SENP7: variants seen among roughly 807,000 people sequenced by gnomAD.
SENP7 encodes the protein sentrin-specific protease 7.
Under a neutral mutation model 141.2 loss-of-function variants are expected in SENP7, and 64 were observed. The ratio of observed to expected loss-of-function variants is 0.45; its 90% CI spans 0.37 to 0.56. SENP7 has a LOEUF of 0.56. Among genes scored for constraint, SENP7 ranks in the 20% least tolerant of loss-of-function variants. The pLI is 0.00. For missense variants in SENP7, 1,025 were observed against 1,212.2 expected, an observed-to-expected ratio of 0.85 and a Z score of 2.29; for synonymous variants, 382 against 426.4, an observed-to-expected ratio of 0.90 and a Z score of 1.28.
chr3:101,341,606 A>C, intron 15 of SENP7, 40 bp downstream of exon 15: 2 of 1,422,842 alleles, frequency 1.4e-6, no homozygotes, highest in Non-Finnish European at 1.9e-6. Flanking sequence ...AAAACTACTA[A>C]TATGCCCATC....
In SENP7 at chr3:101,340,220, T is replaced by C; in HGVS notation, c.2241-9A>G. On this transcript the variant is annotated splice_polypyrimidine_tract_variant and intron_variant, in intron 15 of 23. Transcript: ENST00000394095. ...GAGGATATACAATCAACCTTAAAAG[T>C]AAAAATAAAGTTAACATATACTGAT... is the stretch of plus-strand genomic sequence containing the variant. 20 of 1,578,170 alleles carry C rather than the reference T, an allele frequency of 1.3e-5. No individual in the cohort carries two copies. The highest frequency in any genetic ancestry group is 1.7e-5 in the Non-Finnish European group (20 of 1,166,826).
intron 6 of SENP7, among the ~76,000 whole-genome samples, chr3:101,384,865 C>CA (rs948005102): frequency 1.3e-5 from 2 of 152,202 alleles, no homozygotes; most frequent in African/African-American, 4.8e-5. Context: ...TCCCCAGAAG[C>CA]AGATGCTGCT....
chr3:101,431,943 G>A (rs966650890), intron 4 of SENP7, among the ~76,000 whole-genome samples: 1 of 152,150 alleles, frequency 6.6e-6, no homozygotes, highest in Non-Finnish European at 1.5e-5. Flanking sequence ...TTGCACCTTT[G>A]GTACCAGCAT....
intron 6 of SENP7, among the ~76,000 whole-genome samples, chr3:101,379,421 G>A (rs10936594): frequency 0.4 from 60,411 of 151,884 alleles, 12,526 homozygotes; most frequent in Admixed American, 0.54. Flanking sequence ...AGAATGAGAC[G>A]AAATATTTGC....
At chr3:101,512,050 G>T (rs1383718035) in intron 1 of SENP7, among the ~76,000 whole-genome samples, 1 of 152,158 alleles carries the variant, frequency 6.6e-6, no homozygotes, top group Admixed American at 6.5e-5. Flanking sequence ...TCGATCTCCT[G>T]ACTTTGTGAT....
chr3:101,399,421 T>A (rs1391859321), intron 5 of SENP7, among the ~76,000 whole-genome samples: 2 of 152,234 alleles, frequency 1.3e-5, no homozygotes, highest in Admixed American at 6.5e-5. Context: ...CAAGAAATCT[T>A]TGTTCTTCTC....
rs1442719823 is a variant in SENP7 at position 101,513,082 on chromosome 3, C to T, written c.40+9G>A. 1 of 1,613,676 alleles carries T rather than the reference C, an allele frequency of 6.2e-7. No homozygotes were observed. The highest frequency in any genetic ancestry group is 8.5e-7 in the Non-Finnish European group (1 of 1,179,826). ...CAATATGTTCAGCCCTTCTCTGACC[C>T]TTTCTCACCGGATGAAGATGGCCGT... is the stretch of plus-strand genomic sequence containing the variant. On this transcript the variant is annotated intron_variant, in intron 1 of 23. Coordinates refer to ENST00000394095, the MANE Select transcript of SENP7 (RefSeq NM_020654.5).
intron 18 of SENP7, among the ~76,000 whole-genome samples, chr3:101,332,418 T>C (rs2059081508): frequency 6.6e-6 from 1 of 152,162 alleles, no homozygotes; most frequent in Non-Finnish European, 1.5e-5. Flanking sequence ...GTATTGGTGC[T>C]TGAAGAGTTT....
At chr3:101,435,171 A>C (rs1405394975) in intron 4 of SENP7, among the ~76,000 whole-genome samples, 1 of 152,178 alleles carries the variant, frequency 6.6e-6, no homozygotes, top group Non-Finnish European at 1.5e-5. Context: ...GATAAAAATC[A>C]TATGGTCATT....
At chr3:101,329,441 A>C (rs1244477403) in intron 20 of SENP7, among the ~76,000 whole-genome samples, 1 of 152,162 alleles carries the variant, frequency 6.6e-6, no homozygotes, top group Non-Finnish European at 1.5e-5. Flanking sequence ...AGTGACAGTA[A>C]AGACATAGGC....
chr3:101,358,066 T>G (rs2059791418), intron 11 of SENP7: 1 of 628,568 alleles, frequency 1.6e-6, no homozygotes, highest in African/African-American at 1.9e-5. Context: ...TTATTAAACA[T>G]GAGATAATTC....
chr3:101,372,311 C>A (rs2060204177), intron 6 of SENP7, among the ~76,000 whole-genome samples, 185 bp from the exon 7 acceptor site: 1 of 152,044 alleles, frequency 6.6e-6, no homozygotes, highest in African/African-American at 2.4e-5. Context: ...CCTTTTCTAC[C>A]TTTAAATTCC....
Position 101,325,220 on chromosome 3 carries a change from G to A in SENP7, c.*723C>T, listed in dbSNP as rs544870459. ...AATTTTTAAAAAACTATTTTGCACA[G>A]GTAAAATTTTTTGTTTCAAATTTTA... On this transcript the variant is annotated 3_prime_UTR_variant, in exon 24 of 24. Transcript: ENST00000394095. 1 of 151,176 alleles carries A rather than the reference G, an allele frequency of 6.6e-6. No homozygotes were observed. Among genetic ancestry groups the A allele is most frequent in the African/African-American group, 2.4e-5 (1 of 41,158 alleles). The allele number at this position is 151,176 out of a possible 1,614,324, so 9.4% of individuals were successfully genotyped here. A position where few individuals can be genotyped will look rare whatever the true frequency, so the allele number is the denominator to read the frequency against.
chr3:101,442,594 A>G (rs1456885731), intron 4 of SENP7, among the ~76,000 whole-genome samples: 2 of 152,158 alleles, frequency 1.3e-5, no homozygotes, highest in African/African-American at 2.4e-5. Flanking sequence ...GGGGATCCCA[A>G]TCTAAGGAAA....
At chr3:101,392,196 C>G (rs771989002) in intron 6 of SENP7, among the ~76,000 whole-genome samples, 4 of 152,108 alleles carry the variant, frequency 2.6e-5, no homozygotes, top group African/African-American at 9.7e-5. Context: ...TTATTCAGCA[C>G]AGTCCTAGAA....
chr3:101,426,510 C>T (rs1380483378), intron 4 of SENP7, among the ~76,000 whole-genome samples: 5 of 149,914 alleles, frequency 3.3e-5, no homozygotes, highest in Admixed American at 2.7e-4. Context: ...GATAGAGTCT[C>T]GCTCTGCTGC....
At chr3:101,377,602 A>G (rs1041229841) in intron 6 of SENP7, among the ~76,000 whole-genome samples, 17 of 152,224 alleles carry the variant, frequency 1.1e-4, no homozygotes, top group African/African-American at 3.9e-4. Flanking sequence ...ATTTTCAAAT[A>G]TATCAGAGCA....
rs1429564559 is a variant in SENP7, at chr3:101,493,855, A to G, written c.186+18T>C. The G allele has an allele frequency of 7.0e-7, 1 of 1,427,968 alleles. No homozygotes were observed. The highest frequency in any genetic ancestry group is 1.3e-5 in the South Asian group (1 of 78,404). 88.5% of individuals were successfully genotyped at this position (1,427,968 alleles called of 1,614,324 possible). On this transcript the variant is annotated intron_variant, in intron 3 of 23. Transcript: ENST00000394095. ...AAATAAAACTGTATACTTAAAATAA[A>G]TTAATTTTATTTACCACCTGCAAAG...
At chr3:101,497,401 AT>A (rs1184994689) in intron 2 of SENP7, among the ~76,000 whole-genome samples, 1 of 152,190 alleles carries the variant, frequency 6.6e-6, no homozygotes, top group African/African-American at 2.4e-5. Context: ...TCATCCTTCA[AT>A]TGAAAGAACC....
Sources: allele counts gnomAD v4.1 joint callset (sites outside exome capture counted in the v4.1 genomes callset), GRCh38; gene constraint gnomAD v4.1.1; transcripts MANE v1.5; gene names NCBI Gene and HGNC (gene_info 2026-07-23, HGNC 2026-07-21).